The following LAMB1 variants were observed in gnomAD, a reference collection of about 807,000 sequenced individuals.
LAMB1 encodes the protein laminin subunit beta-1.
A neutral mutation model predicts 222.3 loss-of-function variants in LAMB1; 121 were observed. The ratio of observed to expected loss-of-function variants is 0.54; its 90% CI spans 0.47 to 0.63. The LOEUF (loss-of-function observed/expected upper bound fraction) is 0.63, where lower values mean the gene tolerates loss of function less well. Ranked by LOEUF, LAMB1 falls within the 30% of genes least tolerant of loss-of-function variation. LAMB1 has a pLI of 0.00. For synonymous variants in LAMB1, 794 were observed against 807.2 expected (o/e 0.98, Z 0.28); for missense variants, 2,172 against 2,240.8 (o/e 0.97, Z 0.62).
chr7:107,990,259 G>C (rs753626677), intron 5 of LAMB1, among the ~76,000 whole-genome samples: 3 of 151,952 alleles, frequency 2.0e-5, no homozygotes, highest in Non-Finnish European at 4.4e-5. Context: ...GGCTGGTCTT[G>C]AACTCCTGAA....
At chr7:107,940,916 C>T (rs1403369454) in intron 24 of LAMB1, among the ~76,000 whole-genome samples, 1 of 152,216 alleles carries the variant, frequency 6.6e-6, no homozygotes, top group Admixed American at 6.5e-5. Flanking sequence ...GTACCTGACT[C>T]TATCTCACAA....
chr7:107,933,150 A>C (rs948136573), intron 27 of LAMB1, among the ~76,000 whole-genome samples: 2 of 152,372 alleles, frequency 1.3e-5, no homozygotes, highest in East Asian at 3.9e-4. Flanking sequence ...CCACTTGGTC[A>C]TGGCATACAA....
At chr7:107,928,512 T>A (rs2116317254) in intron 31 of LAMB1, among the ~76,000 whole-genome samples, 1 of 152,260 alleles carries the variant, frequency 6.6e-6, no homozygotes, top group Middle Eastern at 3.4e-3. Context: ...TTTTTTTTTT[T>A]TTGAGATGGA....
intron 5 of LAMB1, among the ~76,000 whole-genome samples, chr7:107,987,917 C>G (rs550492811): frequency 6.6e-6 from 1 of 152,192 alleles, no homozygotes; most frequent in African/African-American, 2.4e-5. Context: ...AAGGGACTTA[C>G]GTTTTTGCAA....
chr7:107,990,169 G>A (rs546505802), intron 5 of LAMB1, among the ~76,000 whole-genome samples: 1 of 152,200 alleles, frequency 6.6e-6, no homozygotes, highest in African/African-American at 2.4e-5. Flanking sequence ...CTCCTGAGTA[G>A]CTGGGACTAC....
intron 32 of LAMB1, among the ~76,000 whole-genome samples, chr7:107,924,800 A>C (rs1344064571): frequency 6.6e-6 from 1 of 152,202 alleles, no homozygotes; most frequent in African/African-American, 2.4e-5. Context: ...GCTTATAAGG[A>C]AATCAGAGGA....
chr7:107,945,860 A>C (rs1004241628), intron 24 of LAMB1, among the ~76,000 whole-genome samples: 1 of 152,154 alleles, frequency 6.6e-6, no homozygotes, highest in African/African-American at 2.4e-5. Context: ...ACCCTTCCCT[A>C]ATGACTCCAT....
intron 10 of LAMB1, 105 bp downstream of exon 10, chr7:107,975,584 T>C: frequency 7.7e-7 from 1 of 1,299,284 alleles, no homozygotes; most frequent in Non-Finnish European, 1.1e-6. Flanking sequence ...ACAATAACAA[T>C]GCTGGCTTTA....
At chr7:107,958,969 A>T (rs953627662) in intron 20 of LAMB1, among the ~76,000 whole-genome samples, 1 of 152,236 alleles carries the variant, frequency 6.6e-6, no homozygotes, top group Non-Finnish European at 1.5e-5. Flanking sequence ...CAGAATTTCT[A>T]TACAGCCCTA....
chr7:107,929,904 G>A (rs2032664258), intron 29 of LAMB1: 2 of 438,244 alleles, frequency 4.6e-6, no homozygotes, highest in Non-Finnish European at 8.3e-6. Flanking sequence ...GATTTTAAGG[G>A]ATAATAGAAT....
rs150036825 is a variant in LAMB1 at position 107,971,704 on chromosome 7, T to C, written c.1562+1288A>G. Among the ~76,000 whole-genome samples, 477 of 152,358 alleles carry C rather than the reference T, an allele frequency of 3.1e-3. 4 individuals are homozygous for C. Among genetic ancestry groups the C allele is most frequent in the African/African-American group, 0.011 (455 of 41,584 alleles). ...CCAAACTCTCTTGGTGAATACATTC[T>C]GGTTTTTATAAATTTTTGCACAAGA... On this transcript the variant is annotated intron_variant, in intron 13 of 33. Transcript: ENST00000222399.
rs1010330355 is a variant in LAMB1, at chr7:107,963,888, C to T, written c.1698+664G>A. On this transcript the variant is annotated intron_variant, in intron 14 of 33. Coordinates refer to ENST00000222399, the MANE Select transcript of LAMB1 (RefSeq NM_002291.3). ...CCAAGGCGGGCGGATCACCTGAGGT[C>T]GGGAGTTCGAGACCAGCCTGACCAA... is the stretch of plus-strand genomic sequence containing the variant. 6.6e-5 allele frequency among the ~76,000 whole-genome samples: 10 copies of T among 152,294 alleles called. No homozygotes were observed. The South Asian group carries it at 1.0e-3, about 16-fold the overall frequency.
At chr7:107,980,484 G>A in intron 8 of LAMB1, 125 bp downstream of exon 8, 2 of 732,790 alleles carry the variant, frequency 2.7e-6, no homozygotes, top group Admixed American at 4.9e-5. Context: ...GGTGCAAAGG[G>A]CTAAATGTAA....
Position 108,002,140 on chromosome 7 carries a change from C to A in LAMB1, c.38-407G>T, listed in dbSNP as rs1038646549. 3 of 1,454,238 alleles carry A rather than the reference C, an allele frequency of 2.1e-6. No individual in the cohort carries two copies. In the Admixed American group the frequency reaches 6.3e-5, roughly 30 times the overall value. The allele number at this position is 1,454,238 out of a possible 1,614,324, so 90.1% of individuals were successfully genotyped here. ...AGGGCCACACACCCACGCACGTGAA[C>A]CCGCGTGCACGCGGCAGCCCGCGCA... On this transcript the variant is annotated intron_variant, in intron 2 of 33. Coordinates refer to ENST00000222399, the MANE Select transcript of LAMB1 (RefSeq NM_002291.3).
intron 26 of LAMB1, among the ~76,000 whole-genome samples, chr7:107,936,721 A>G (rs1178491693): frequency 6.6e-6 from 1 of 152,222 alleles, no homozygotes; most frequent in Non-Finnish European, 1.5e-5. Flanking sequence ...ACCAAGCAGC[A>G]TTCTTGAATG....
intron 24 of LAMB1, among the ~76,000 whole-genome samples, chr7:107,946,228 A>C (rs1329912389): frequency 1.3e-5 from 2 of 152,340 alleles, no homozygotes; most frequent in East Asian, 3.9e-4. Context: ...AGGCATTTCT[A>C]TTTACTAAAA....
Position 107,991,588 on chromosome 7 carries a change from C to CA in LAMB1, c.423+3298dup, listed in dbSNP as rs985284673. The stretch of plus-strand genomic sequence containing the variant: ...GGCAACAAGAGTGAAACTCCATCCT[C>CA]AAAAAAAAAAAAAAAATTACTAAAA... On this transcript the variant is annotated intron_variant, in intron 5 of 33. Transcript: ENST00000222399. Among the ~76,000 whole-genome samples the CA allele has an allele frequency of 8.5e-3, 1,010 of 119,438 alleles. 5 individuals are homozygous for CA. Among genetic ancestry groups the CA allele is most frequent in the East Asian group, 0.015 (65 of 4,208 alleles). 78.4% of individuals were successfully genotyped at this position (119,438 alleles called of 152,430 possible).
In LAMB1 at chr7:107,995,166, C is replaced by T. The variant is rs1167668704; in HGVS notation, c.350-206G>A. On this transcript the variant is annotated intron_variant, in intron 4 of 33. Coordinates refer to ENST00000222399, the MANE Select transcript of LAMB1 (RefSeq NM_002291.3). Reference sequence around the variant, plus strand: ...ACAAGTTGAATGATTCTTTAGTTTTCCACAAATCATTCTGGAGTTCAACAG... The same window carrying T: ...ACAAGTTGAATGATTCTTTAGTTTTTCACAAATCATTCTGGAGTTCAACAG... 3.3e-5 allele frequency among the ~76,000 whole-genome samples: 5 copies of T among 152,186 alleles called. No individual in the cohort carries two copies. The East Asian group carries it at 5.8e-4, about 18-fold the overall frequency.
At chr7:107,946,350 T>G (rs2116375653) in intron 24 of LAMB1, among the ~76,000 whole-genome samples, 1 of 152,386 alleles carries the variant, frequency 6.6e-6, no homozygotes, top group South Asian at 2.1e-4. Context: ...AATTTTGGAA[T>G]GAAAGTTGGG....
Sources: gnomAD v4.1 joint callset for allele counts (sites outside exome capture counted in the v4.1 genomes callset) on GRCh38, gnomAD v4.1.1 for gene constraint, MANE v1.5 for transcripts, NCBI Gene and HGNC (gene_info 2026-07-23, HGNC 2026-07-21) for gene names.